PARD3: variants seen among roughly 807,000 people sequenced by gnomAD.
PARD3 encodes the protein partitioning defective 3 homolog.
In PARD3, 75 loss-of-function variants were observed where a neutral mutation model predicts 155.4. The ratio of observed to expected loss-of-function variants is 0.48; its 90% CI spans 0.40 to 0.58. PARD3 has a LOEUF of 0.58. Ranked by LOEUF, PARD3 falls within the 20% of genes least tolerant of loss-of-function variation. The pLI is 0.00. For missense variants in PARD3, 1,642 were observed against 1,721.7 expected, an observed-to-expected ratio of 0.95 and a Z score of 0.82; for synonymous variants, 576 against 610.5, an observed-to-expected ratio of 0.94 and a Z score of 0.83.
intron 2 of PARD3, among the ~76,000 whole-genome samples, chr10:34,580,839 G>A (rs1030334376): frequency 3.3e-5 from 5 of 152,148 alleles, no homozygotes; most frequent in Non-Finnish European, 5.9e-5. Flanking sequence ...TCAGAACAAT[G>A]ACAGCTGCTC....
chr10:34,737,074 A>T (rs79603736), intron 1 of PARD3, among the ~76,000 whole-genome samples: 5,859 of 152,272 alleles, frequency 0.038, 127 homozygotes, highest in Middle Eastern at 0.088. Context: ...CCAACTGAGA[A>T]CAGCAAGACA....
At chr10:34,267,685 A>G (rs1056832399) in intron 22 of PARD3, among the ~76,000 whole-genome samples, 78 of 152,218 alleles carry the variant, frequency 5.1e-4, no homozygotes, top group Non-Finnish European at 1.9e-4. Flanking sequence ...ACTGGGTGCA[A>G]AACGTAGCAA....
chr10:34,490,205 T>C (rs1000601919), intron 3 of PARD3, among the ~76,000 whole-genome samples: 2 of 152,186 alleles, frequency 1.3e-5, no homozygotes, highest in Non-Finnish European at 2.9e-5. Context: ...CAATGACTCA[T>C]CTCATGCTTG....
intron 14 of PARD3, among the ~76,000 whole-genome samples, chr10:34,349,105 G>C (rs933412638): frequency 1.3e-5 from 2 of 152,148 alleles, no homozygotes; most frequent in Non-Finnish European, 2.9e-5. Context: ...GGGCCAATGT[G>C]GGGGAGTGGG....
intron 2 of PARD3, among the ~76,000 whole-genome samples, chr10:34,639,574 C>T (rs1257358131): frequency 6.6e-6 from 1 of 152,114 alleles, no homozygotes; most frequent in Non-Finnish European, 1.5e-5. Context: ...ACACGGAAAA[C>T]AGACTGGGCA....
At chr10:34,346,912 T>C (rs1837490320) in intron 15 of PARD3, among the ~76,000 whole-genome samples, 2 of 152,264 alleles carry the variant, frequency 1.3e-5, no homozygotes, top group Non-Finnish European at 2.9e-5. Flanking sequence ...TGTATGTTTT[T>C]GATCATGCCC....
At chr10:34,236,010 A>G (rs1252721264) in intron 22 of PARD3, among the ~76,000 whole-genome samples, 3 of 152,216 alleles carry the variant, frequency 2.0e-5, no homozygotes, top group Non-Finnish European at 4.4e-5. Flanking sequence ...GGACAATGTC[A>G]TCTTCTCTAT....
intron 3 of PARD3, among the ~76,000 whole-genome samples, chr10:34,496,130 G>A (rs1262056278): frequency 1.3e-5 from 2 of 151,914 alleles, no homozygotes; most frequent in Non-Finnish European, 2.9e-5. Flanking sequence ...GAGCCCAGGA[G>A]GTCTTGGCAG....
At chr10:34,453,958 G>A (rs1376969126) in intron 4 of PARD3, among the ~76,000 whole-genome samples, 3 of 152,070 alleles carry the variant, frequency 2.0e-5, no homozygotes, top group South Asian at 2.1e-4. Context: ...TAAAACTAAC[G>A]TTCACTCTCA....
chr10:34,789,347 TAAGTA>T (rs1316307219), intron 1 of PARD3, among the ~76,000 whole-genome samples: 4 of 152,112 alleles, frequency 2.6e-5, no homozygotes, highest in Non-Finnish European at 5.9e-5. Flanking sequence ...ACCGATAAAT[TAAGTA>T]AAGTAACTAG....
At chr10:34,600,624 G>A (rs2089681868) in intron 2 of PARD3, among the ~76,000 whole-genome samples, 1 of 152,146 alleles carries the variant, frequency 6.6e-6, no homozygotes, top group African/African-American at 2.4e-5. Flanking sequence ...CTAAGGAACA[G>A]ACTGAAAATC....
chr10:34,375,107 C>CCATATCTG (rs1024125374), intron 10 of PARD3, 105 bp from the exon 11 acceptor site: 2 of 815,928 alleles, frequency 2.5e-6, no homozygotes, highest in Non-Finnish European at 3.9e-6. Flanking sequence ...CTAGGACTAG[C>CCATATCTG]CATATCTGCT....
chr10:34,251,654 T>C lies in PARD3; in HGVS notation c.3419+18003A>G, dbSNP rs56180544. Among the ~76,000 whole-genome samples the C allele has an allele frequency of 1.0e-2, 1,510 of 151,264 alleles. 22 individuals are homozygous for C. The highest frequency in any genetic ancestry group is 0.035 in the African/African-American group (1,435 of 41,294). On this transcript the variant is annotated intron_variant, in intron 22 of 24. Coordinates refer to ENST00000374788, the MANE Select transcript of PARD3 (RefSeq NM_001184785.2). ...TCAAATCCTCTTTTGCTCTTCCCCC[T>C]CTCTCTCTCTCTCAAAACTATACAA...
At chr10:34,636,756 C>T (rs2092492581) in intron 2 of PARD3, among the ~76,000 whole-genome samples, 1 of 152,112 alleles carries the variant, frequency 6.6e-6, no homozygotes, top group African/African-American at 2.4e-5. Flanking sequence ...TGGGGCAGGG[C>T]GAGGAGGCCC....
chr10:34,647,325 G>A (rs911920716), intron 2 of PARD3, among the ~76,000 whole-genome samples: 1 of 152,178 alleles, frequency 6.6e-6, no homozygotes, highest in African/African-American at 2.4e-5. Context: ...GCACACAGTA[G>A]TATGTACTCA....
chr10:34,308,400 G>A (rs1369568539), intron 20 of PARD3, among the ~76,000 whole-genome samples: 4 of 152,206 alleles, frequency 2.6e-5, no homozygotes, highest in Non-Finnish European at 5.9e-5. Context: ...CAGCGGCACT[G>A]GGGGCTGAAA....
At chr10:34,518,059 G>C (rs983214710) in intron 2 of PARD3, among the ~76,000 whole-genome samples, 1 of 152,008 alleles carries the variant, frequency 6.6e-6, no homozygotes, top group Admixed American at 6.6e-5. Context: ...TTGTATTTTT[G>C]GTAGAGACAG....
chr10:34,201,070 T>G (rs529736879), intron 22 of PARD3, among the ~76,000 whole-genome samples: 2 of 152,286 alleles, frequency 1.3e-5, no homozygotes, highest in East Asian at 3.9e-4. Flanking sequence ...GGGAGGCCTC[T>G]TGGAATACGA....
intron 21 of PARD3, among the ~76,000 whole-genome samples, chr10:34,281,192 A>G (rs1410797706): frequency 6.6e-6 from 1 of 152,128 alleles, no homozygotes; most frequent in Non-Finnish European, 1.5e-5. Context: ...TAAACCTTTC[A>G]TGTGGTGGAA....
Sources: allele counts gnomAD v4.1 joint callset (sites outside exome capture counted in the v4.1 genomes callset), GRCh38; gene constraint gnomAD v4.1.1; transcripts MANE v1.5; gene names NCBI Gene and HGNC (gene_info 2026-07-23, HGNC 2026-07-21).